The following TWSG1 variants were observed in gnomAD, a reference collection of about 807,000 sequenced individuals.
TWSG1 encodes twisted gastrulation BMP signaling modulator 1.
TWSG1 carries 15 observed loss-of-function variants against 23.0 expected under a neutral mutation model. The ratio of observed to expected loss-of-function variants is 0.65; its 90% confidence interval spans 0.44 to 1.00. The LOEUF (loss-of-function observed/expected upper bound fraction) is 1.00, where lower values mean the gene tolerates loss of function less well. Ranked by LOEUF, TWSG1 falls within the 50% of genes least tolerant of loss-of-function variation. The pLI is 0.00. For missense variants in TWSG1, 242 were observed against 278.7 expected (o/e 0.87, Z 0.94); for synonymous variants, 86 against 92.8 (o/e 0.93, Z 0.42).
chr18:9,392,282 G>C (rs1346926009), intron 3 of TWSG1, among the ~76,000 whole-genome samples: 2 of 152,184 alleles, frequency 1.3e-5, no homozygotes, highest in Non-Finnish European at 2.9e-5. Flanking sequence ...GACTTAGCTG[G>C]ATCTTCTGAA....
intron 3 of TWSG1, among the ~76,000 whole-genome samples, chr18:9,383,183 GTTTT>G (rs1403740714): frequency 2.7e-5 from 2 of 75,336 alleles, no homozygotes; most frequent in African/African-American, 1.0e-4. Flanking sequence ...CGAATTACAC[GTTTT>G]TTTTTTGTTT....
chr18:9,347,042 T>G (rs1477024679), intron 2 of TWSG1, among the ~76,000 whole-genome samples: 2 of 152,248 alleles, frequency 1.3e-5, no homozygotes, highest in Non-Finnish European at 2.9e-5. Flanking sequence ...TATATAGTGG[T>G]ATCATATTGT....
intron 3 of TWSG1, among the ~76,000 whole-genome samples, chr18:9,371,122 C>A (rs1414194995): frequency 6.6e-6 from 1 of 151,848 alleles, no homozygotes; most frequent in Non-Finnish European, 1.5e-5. Flanking sequence ...GACAGATTGA[C>A]CCTATACTTT....
At chr18:9,365,380 A>G (rs573339037) in intron 3 of TWSG1, among the ~76,000 whole-genome samples, 11 of 152,204 alleles carry the variant, frequency 7.2e-5, no homozygotes, top group Non-Finnish European at 1.6e-4. Context: ...ATGTTAAATT[A>G]GAAGAAAAAA....
At chr18:9,358,370 G>A (rs1294672892) in intron 2 of TWSG1, among the ~76,000 whole-genome samples, 1 of 152,212 alleles carries the variant, frequency 6.6e-6, no homozygotes, top group East Asian at 1.9e-4. Flanking sequence ...CCAGAATCTT[G>A]GAAGACAATC....
chr18:9,347,898 G>A (rs1240268916), intron 2 of TWSG1, among the ~76,000 whole-genome samples: 1 of 151,952 alleles, frequency 6.6e-6, no homozygotes, highest in African/African-American at 2.4e-5. Context: ...TGGTGGAGGA[G>A]GTGTGTGTCC....
At chr18:9,385,861 C>G in intron 3 of TWSG1, among the ~76,000 whole-genome samples, 1 of 152,000 alleles carries the variant, frequency 6.6e-6, no homozygotes, top group East Asian at 1.9e-4. Context: ...AATAAGAAAG[C>G]TTTTGCAAAT....
At chr18:9,377,548 G>C (rs887399157) in intron 3 of TWSG1, among the ~76,000 whole-genome samples, 1 of 151,882 alleles carries the variant, frequency 6.6e-6, no homozygotes, top group Middle Eastern at 3.5e-3. Context: ...AAACGGTGCT[G>C]GAACAACTGG....
At chr18:9,373,264 G>A (rs2040614469) in intron 3 of TWSG1, among the ~76,000 whole-genome samples, 1 of 152,174 alleles carries the variant, frequency 6.6e-6, no homozygotes, top group African/African-American at 2.4e-5. Context: ...GGCAGGGCCA[G>A]GTGCAGTGGC....
At chr18:9,388,835 G>A (rs1055933325) in intron 3 of TWSG1, among the ~76,000 whole-genome samples, 4 of 152,064 alleles carry the variant, frequency 2.6e-5, no homozygotes, top group African/African-American at 9.7e-5. Flanking sequence ...GACTACAGAT[G>A]TGTGTCACCA....
rs145323375 is a variant in TWSG1 at position 9,380,050 on chromosome 18, A to G, written c.224-16230A>G. 2.7e-4 allele frequency among the ~76,000 whole-genome samples: 41 copies of G among 152,340 alleles called. No individual in the cohort carries two copies. In the East Asian group the frequency reaches 7.5e-3, roughly 28 times the overall value. ...GCATTCCCTATATACTGTGTGGCTC[A>G]TTAGAGAATTTTGTCTAGGAAAACA... On this transcript the variant is annotated intron_variant, in intron 3 of 4. Coordinates refer to ENST00000262120, the MANE Select transcript of TWSG1 (RefSeq NM_020648.6).
chr18:9,337,675 T>C (rs1291299937), intron 2 of TWSG1, among the ~76,000 whole-genome samples: 1 of 152,226 alleles, frequency 6.6e-6, no homozygotes, highest in Non-Finnish European at 1.5e-5. Context: ...TCAATGAATG[T>C]ATTTAGAAAA....
intron 2 of TWSG1, among the ~76,000 whole-genome samples, chr18:9,357,633 A>G (rs1279776066): frequency 6.6e-6 from 1 of 152,222 alleles, no homozygotes. Flanking sequence ...ATAGCATTCC[A>G]TTAGGTCTCA....
chr18:9,342,367 C>A (rs932194826), intron 2 of TWSG1, among the ~76,000 whole-genome samples: 10 of 152,238 alleles, frequency 6.6e-5, no homozygotes, highest in African/African-American at 2.4e-4. Context: ...TAATTACTAA[C>A]CTTATTTCTC....
rs1598826466 is a variant in TWSG1 at position 9,363,271 on chromosome 18, A to G, written c.223+3200A>G. 4.6e-5 allele frequency among the ~76,000 whole-genome samples: 7 copies of G among 152,222 alleles called. No individual in the cohort carries two copies. The South Asian group carries it at 1.4e-3, about 32-fold the overall frequency. On this transcript the variant is annotated intron_variant, in intron 3 of 4. Transcript: ENST00000262120. ...GATTTTAATCTTTGCTGTCCAACATATTCCTGAAATCCTGTGGGTTTTGGA... is the reference window on the plus strand; with the variant it reads ...GATTTTAATCTTTGCTGTCCAACATGTTCCTGAAATCCTGTGGGTTTTGGA...
intron 2 of TWSG1, among the ~76,000 whole-genome samples, chr18:9,345,696 A>G (rs1334397643): frequency 6.6e-6 from 1 of 152,170 alleles, no homozygotes; most frequent in African/African-American, 2.4e-5. Context: ...TGAGTTCTCC[A>G]ACTTTGTACT....
At chr18:9,348,344 C>G (rs1161334088) in intron 2 of TWSG1, among the ~76,000 whole-genome samples, 1 of 152,190 alleles carries the variant, frequency 6.6e-6, no homozygotes, top group Non-Finnish European at 1.5e-5. Context: ...TCCCTGTTCT[C>G]TTTAGTTGAA....
At chr18:9,367,866 A>G (rs1276055658) in intron 3 of TWSG1, among the ~76,000 whole-genome samples, 3 of 152,142 alleles carry the variant, frequency 2.0e-5, no homozygotes, top group Non-Finnish European at 4.4e-5. Context: ...TGTATTTTAT[A>G]TTGTATAAAT....
intron 2 of TWSG1, among the ~76,000 whole-genome samples, chr18:9,355,554 A>G (rs1408953550): frequency 6.6e-6 from 1 of 152,204 alleles, no homozygotes. Context: ...GAAAAGAATG[A>G]ATTACTTGAT....
Sources: allele counts gnomAD v4.1 joint callset (sites outside exome capture counted in the v4.1 genomes callset), GRCh38; gene constraint gnomAD v4.1.1; transcripts MANE v1.5; gene names NCBI Gene and HGNC (gene_info 2026-07-23, HGNC 2026-07-21).